Variants in BOP1 observed in about 807,000 individuals in gnomAD.
BOP1 encodes ribosome biogenesis protein BOP1.
A neutral mutation model predicts 82.9 loss-of-function variants in BOP1; 54 were observed. The observed-to-expected ratio is 0.65, with a 90% CI of 0.52 to 0.82. The LOEUF (loss-of-function observed/expected upper bound fraction) is 0.82. BOP1 is among the 40% of genes least tolerant of loss of function. The pLI is 0.00. For missense variants in BOP1, 1,170 were observed against 1,072.0 expected, an observed-to-expected ratio of 1.09 and a Z score of -1.28; for synonymous variants, 566 against 451.1, an observed-to-expected ratio of 1.25 and a Z score of -3.23.
chr8:144,276,266 G>A lies in BOP1; in HGVS notation c.348C>T (p.Ala116=). ...TPCPRTEMAS[A]RIGDEYAEDS... ...CCTCCGCATACTCATCCCCAATCCGGGCGCTCGCCATCTCTGTCCTCGGGC... is the reference window on the plus strand; with the variant it reads ...CCTCCGCATACTCATCCCCAATCCGAGCGCTCGCCATCTCTGTCCTCGGGC... The change falls in exon 3 of 16, where the codon GCC becomes GCT. Residue 116 remains alanine, a synonymous_variant. Transcript: ENST00000569669. 6.2e-7 allele frequency: 1 copy of A among 1,613,588 alleles called. No individual in the cohort carries two copies. The highest frequency in any genetic ancestry group is 8.5e-7 in the Non-Finnish European group (1 of 1,179,814).
chr8:144,271,526 G>A (rs1554837793), intron 3 of BOP1, among the ~76,000 whole-genome samples: 12 of 152,240 alleles, frequency 7.9e-5, no homozygotes, highest in Admixed American at 1.3e-4. Context: ...CGCCTGTCTC[G>A]GAGCGCCACA....
intron 3 of BOP1, among the ~76,000 whole-genome samples, chr8:144,267,588 C>T (rs1418263546): frequency 1.3e-5 from 2 of 152,248 alleles, no homozygotes; most frequent in Admixed American, 6.5e-5. Flanking sequence ...GGGTTCTTAG[C>T]CCCTGCGGCC....
In BOP1 at chr8:144,264,817, T is replaced by C; in HGVS notation, c.560A>G (p.Asp187Gly). Residue 187 changes from aspartate (D) to glycine (G), a missense_variant, in exon 5 of 16, where the codon GAC becomes GGC. Coordinates refer to ENST00000569669, the MANE Select transcript of BOP1 (RefSeq NM_015201.5). ...DDPDYWRTVQ[D>G]PMTGRDLRLT... The stretch of plus-strand genomic sequence containing the variant: ...TCTCAGGTCCCGCCCTGTCATCGGG[T>C]CCTGCACGGTGCGCCTGGAGACCGC... 1 of 1,609,340 alleles carries C rather than the reference T, an allele frequency of 6.2e-7. No homozygotes were observed. Among genetic ancestry groups the C allele is most frequent in the Non-Finnish European group, 8.5e-7 (1 of 1,179,180 alleles).
At chr8:144,274,575 C>A (rs910575715) in intron 3 of BOP1, among the ~76,000 whole-genome samples, 1 of 152,230 alleles carries the variant, frequency 6.6e-6, no homozygotes, top group African/African-American at 2.4e-5. Context: ...GCCGCCCCCT[C>A]GAGCCACTGG....
chr8:144,266,916 G>A, intron 3 of BOP1: 6 of 1,551,090 alleles, frequency 3.9e-6, no homozygotes, highest in East Asian at 2.5e-5. Context: ...TGCGCACGCT[G>A]ATCCCCACCG....
intron 13 of BOP1, 50 bp from the exon 14 acceptor site, chr8:144,262,722 G>C: frequency 1.3e-6 from 2 of 1,575,882 alleles, no homozygotes; most frequent in Non-Finnish European, 1.7e-6. Context: ...CCTGCAGGGT[G>C]CACTGCCCTG....
At chr8:144,290,355 A>T (rs1815012136) in intron 1 of BOP1, among the ~76,000 whole-genome samples, 1 of 151,944 alleles carries the variant, frequency 6.6e-6, no homozygotes, top group African/African-American at 2.4e-5. Flanking sequence ...AAAAAAAAGA[A>T]AAAAGAAAGA....
At chr8:144,289,346 C>A (rs1262011614) in intron 1 of BOP1, 42 bp from the exon 2 acceptor site, 1 of 1,591,800 alleles carries the variant, frequency 6.3e-7, no homozygotes, top group Admixed American at 1.7e-5. Context: ...CCCCTCCAGG[C>A]ATGGGGCACT....
rs938970918 is a variant in BOP1, at chr8:144,264,008, G to A, written c.1113C>T (p.Tyr371=). The part of the protein sequence containing the change: ...QERFERCLDL[Y]LCPRQRKMRV... The stretch of plus-strand genomic sequence containing the variant: ...TCATCTTGCGCTGCCGTGGGCACAG[G>A]TACAGGTCAAGGCAGCGCTCGAAGC... Residue 371 remains tyrosine (Y), a synonymous_variant, in exon 8 of 16, where the codon TAC becomes TAT. Coordinates refer to ENST00000569669, the MANE Select transcript of BOP1 (RefSeq NM_015201.5). The A allele has an allele frequency of 1.6e-5, 25 of 1,609,062 alleles. No individual in the cohort carries two copies. The highest frequency in any genetic ancestry group is 1.9e-5 in the Non-Finnish European group (23 of 1,179,782).
intron 2 of BOP1, among the ~76,000 whole-genome samples, chr8:144,280,186 G>GT (rs1554838745): frequency 6.6e-6 from 1 of 152,242 alleles, no homozygotes; most frequent in African/African-American, 2.4e-5. Flanking sequence ...GGAGCTGGCA[G>GT]TCTTCAAAAG....
intron 3 of BOP1, among the ~76,000 whole-genome samples, chr8:144,274,888 G>A (rs1392278547): frequency 6.6e-5 from 10 of 152,384 alleles, no homozygotes; most frequent in Non-Finnish European, 1.2e-4. Flanking sequence ...CCGACAGGAT[G>A]TGGCTGCCGA....
intron 2 of BOP1, among the ~76,000 whole-genome samples, chr8:144,281,005 T>C (rs1339287616): frequency 6.6e-6 from 1 of 151,076 alleles, no homozygotes; most frequent in African/African-American, 2.4e-5. Context: ...CTCACTTTCA[T>C]ACCAGGTCTT....
chr8:144,269,736 C>T (rs1014586201), intron 3 of BOP1, among the ~76,000 whole-genome samples: 2 of 152,216 alleles, frequency 1.3e-5, no homozygotes, highest in South Asian at 2.1e-4. Flanking sequence ...CTCCGCCCGC[C>T]GGGAAGCCAG....
At chr8:144,266,351 C>T (rs1482083929) in intron 3 of BOP1, among the ~76,000 whole-genome samples, 5 of 151,804 alleles carry the variant, frequency 3.3e-5, no homozygotes, top group African/African-American at 7.3e-5. Flanking sequence ...CCGAGGGACG[C>T]GGCGGGCGCT....
intron 13 of BOP1, 51 bp downstream of exon 13, chr8:144,262,802 C>CGGGGGGGGGGGGG: frequency 1.2e-6 from 1 of 845,252 alleles, no homozygotes; most frequent in Non-Finnish European, 1.6e-6. Flanking sequence ...CAGGGTACAC[C>CGGGGGGGGGGGGG]GCCCCCCCCC....
rs1423909787 is a variant in BOP1 at position 144,267,006 on chromosome 8, G to C, written c.391-1935C>G. ...ACATCTCGCACCTGGGCAACGTGCT[G>C]CTGGCGGGCGAGGCCTGCGGCGACG... On this transcript the variant is annotated intron_variant, in intron 3 of 15. Coordinates refer to ENST00000569669, the MANE Select transcript of BOP1 (RefSeq NM_015201.5). The C allele has an allele frequency of 2.8e-5, 43 of 1,539,836 alleles. No individual in the cohort carries two copies. In the African/African-American group the frequency reaches 5.4e-4, roughly 19 times the overall value.
Position 144,262,508 on chromosome 8 carries a change from G to A in BOP1, c.1980-5C>T, listed in dbSNP as rs1247619671. ...CGCAGAGCCTTCTTGTGGTGTCTGG[G>A]GGGAGGGAACCAGGTTGAAGGCAGG... On this transcript the variant is annotated splice_region_variant and splice_polypyrimidine_tract_variant and intron_variant, in intron 14 of 15. Transcript: ENST00000569669. 10 of 1,612,958 alleles carry A rather than the reference G, an allele frequency of 6.2e-6. No individual in the cohort carries two copies. In the Admixed American group the frequency reaches 6.7e-5, roughly 11 times the overall value.
At chr8:144,268,070 G>A (rs1845419624) in intron 3 of BOP1, 4 of 1,549,600 alleles carry the variant, frequency 2.6e-6, no homozygotes, top group Non-Finnish European at 3.5e-6. Context: ...GCTGGGCTCT[G>A]CCGGGGCCTG....
Position 144,276,213 on chromosome 8 carries a change from C to T in BOP1, c.390+11G>A, listed in dbSNP as rs1249360701. On this transcript the variant is annotated intron_variant, in intron 3 of 15. Transcript: ENST00000569669. ...CCCACCCTGCCCAGTGGGAAGCAGC[C>T]CCAGTCCTACCTCCTCATCAGAGCT... The T allele has an allele frequency of 1.1e-5, 18 of 1,612,684 alleles. No individual in the cohort carries two copies. Among genetic ancestry groups the T allele is most frequent in the Admixed American group, 3.3e-5 (2 of 59,994 alleles).
Sources: gnomAD v4.1 joint callset for allele counts (sites outside exome capture counted in the v4.1 genomes callset) on GRCh38, gnomAD v4.1.1 for gene constraint, MANE v1.5 for transcripts, NCBI Gene and HGNC (gene_info 2026-07-23, HGNC 2026-07-21) for gene names.